ITGB8: variants seen among roughly 807,000 people sequenced by gnomAD.
ITGB8 encodes integrin beta-8.
Under a neutral mutation model 89.5 loss-of-function variants are expected in ITGB8, and 30 were observed. That is an observed-to-expected ratio of 0.34 (90% confidence interval 0.25 to 0.45). ITGB8 has a LOEUF of 0.45. Ranked by LOEUF, ITGB8 falls within the 20% of genes least tolerant of loss-of-function variation. The pLI is 1.00. For missense variants in ITGB8, 836 were observed against 933.3 expected, an observed-to-expected ratio of 0.90 and a Z score of 1.36; for synonymous variants, 335 against 320.4, an observed-to-expected ratio of 1.05 and a Z score of -0.49.
At chr7:20,351,450 CT>C (rs1225525476) in intron 1 of ITGB8, among the ~76,000 whole-genome samples, 1 of 152,176 alleles carries the variant, frequency 6.6e-6, no homozygotes, top group Admixed American at 6.5e-5. Context: ...CTCATGGGAG[CT>C]TTATGAAGCT....
intron 1 of ITGB8, among the ~76,000 whole-genome samples, chr7:20,362,233 G>A (rs1785531154): frequency 1.3e-5 from 2 of 152,214 alleles, no homozygotes; most frequent in Admixed American, 1.3e-4. Flanking sequence ...GGAAAGTTGA[G>A]AGAGAAAGAA....
chr7:20,337,608 T>A (rs17142711), intron 1 of ITGB8, among the ~76,000 whole-genome samples: 23,713 of 152,254 alleles, frequency 0.16, 1,985 homozygotes, highest in East Asian at 0.34. Context: ...AGAGGCATTG[T>A]ATAACTTCTT....
intron 3 of ITGB8, among the ~76,000 whole-genome samples, chr7:20,372,003 C>CTCT (rs1380860246): frequency 6.6e-6 from 1 of 152,102 alleles, no homozygotes; most frequent in Non-Finnish European, 1.5e-5. Context: ...GAACATTTTT[C>CTCT]CTAAGGTATT....
intron 3 of ITGB8, among the ~76,000 whole-genome samples, chr7:20,374,220 G>A (rs1025820704): frequency 3.9e-5 from 6 of 152,078 alleles, no homozygotes; most frequent in African/African-American, 2.4e-5. Flanking sequence ...AATTCTAGAC[G>A]CTGGCTTCTT....
rs546541953 is a variant in ITGB8 at position 20,413,541 on chromosome 7, T to A, written c.*3544T>A. On this transcript the variant is annotated 3_prime_UTR_variant, in exon 14 of 14. Coordinates refer to ENST00000222573, the MANE Select transcript of ITGB8 (RefSeq NM_002214.3). ...TTTCTTCCTTTTCTTACTCCTGTTT[T>A]TTCCACTCACTCTTCCCAAGAGATT... 4 of 152,506 alleles carry A rather than the reference T, an allele frequency of 2.6e-5. No individual in the cohort carries two copies. The highest frequency in any genetic ancestry group is 5.9e-5 in the Non-Finnish European group (4 of 67,940). 9.4% of individuals were successfully genotyped at this position (152,506 alleles called of 1,614,324 possible). A position where few individuals can be genotyped will look rare whatever the true frequency, so the allele number is the denominator to read the frequency against.
At position 20,343,535 on chromosome 7, in the gene ITGB8, C is replaced by T. The variant is rs573424444; in HGVS notation, c.127+11602C>T. On this transcript the variant is annotated intron_variant, in intron 1 of 13. Transcript: ENST00000222573. ...ACAAGCAGGTGCCCTATCCCTAAAA[C>T]CCTGCACAATGCCATGGCTTAATTG... Among the ~76,000 whole-genome samples the T allele has an allele frequency of 2.0e-5, 3 of 152,236 alleles. No individual in the cohort carries two copies. In the South Asian group the frequency reaches 6.2e-4, roughly 32 times the overall value.
intron 1 of ITGB8, among the ~76,000 whole-genome samples, chr7:20,358,503 T>C (rs908756834): frequency 3.3e-5 from 5 of 151,996 alleles, no homozygotes; most frequent in African/African-American, 1.2e-4. Flanking sequence ...CTGAAAATTT[T>C]CACACAGCTA....
chr7:20,398,230 C>T (rs1787168824), intron 8 of ITGB8, among the ~76,000 whole-genome samples: 1 of 152,184 alleles, frequency 6.6e-6, no homozygotes, highest in South Asian at 2.1e-4. Context: ...TTGCAGCAAG[C>T]TTGACTGACA....
intron 10 of ITGB8, among the ~76,000 whole-genome samples, chr7:20,403,966 A>T (rs1316197449): frequency 2.6e-5 from 4 of 152,172 alleles, no homozygotes; most frequent in Admixed American, 1.3e-4. Context: ...TTCACCCCAC[A>T]TGCATAATGT....
Position 20,379,289 on chromosome 7 carries a change from T to C in ITGB8, c.627T>C (p.Asn209=). The change falls in exon 4 of 14, where the codon AAT becomes AAC. Residue 209 remains asparagine, a synonymous_variant. Transcript: ENST00000222573. Reference sequence around the variant, plus strand: ...GCATCCACCCCGAAAGGATTCATAATCAATGCAGGTATCTAGGGTTTGATG... The same window carrying C: ...GCATCCACCCCGAAAGGATTCATAACCAATGCAGGTATCTAGGGTTTGATG... ...YISIHPERIH[N]QCSDYNLDCM... The C allele has an allele frequency of 6.3e-7, 1 of 1,595,206 alleles. No homozygotes were observed.
chr7:20,375,518 T>G (rs1786104408), intron 3 of ITGB8, among the ~76,000 whole-genome samples: 1 of 152,164 alleles, frequency 6.6e-6, no homozygotes, highest in East Asian at 1.9e-4. Flanking sequence ...ACAAAGTACA[T>G]GAACAAAAAA....
At position 20,413,403 on chromosome 7, in the gene ITGB8, G is replaced by T. The variant is rs1458121188; in HGVS notation, c.*3406G>T. 6.6e-6 allele frequency: 1 copy of T among 152,426 alleles called. No homozygotes were observed. Among genetic ancestry groups the T allele is most frequent in the African/African-American group, 2.4e-5 (1 of 41,436 alleles). The allele number at this position is 152,426 out of a possible 1,614,324, so 9.4% of individuals were successfully genotyped here. The stretch of plus-strand genomic sequence containing the variant: ...ATCCACTGAAGATATCTTTATGCAA[G>T]ACAAGAGTCAGCCATCAGACACTGA... On this transcript the variant is annotated 3_prime_UTR_variant, in exon 14 of 14. Coordinates refer to ENST00000222573, the MANE Select transcript of ITGB8 (RefSeq NM_002214.3).
intron 6 of ITGB8, among the ~76,000 whole-genome samples, chr7:20,387,530 G>C (rs940956927): frequency 6.6e-6 from 1 of 152,166 alleles, no homozygotes; most frequent in African/African-American, 2.4e-5. Flanking sequence ...CAGATGATCT[G>C]TTTTCAGAGC....
At chr7:20,374,219 C>A (rs1020835729) in intron 3 of ITGB8, among the ~76,000 whole-genome samples, 1 of 152,094 alleles carries the variant, frequency 6.6e-6, no homozygotes, top group East Asian at 1.9e-4. Context: ...AAATTCTAGA[C>A]GCTGGCTTCT....
chr7:20,335,102 C>T (rs1257101149), intron 1 of ITGB8, among the ~76,000 whole-genome samples: 1 of 152,110 alleles, frequency 6.6e-6, no homozygotes, highest in Non-Finnish European at 1.5e-5. Flanking sequence ...CTTCTCCCAA[C>T]TAAATATTTT....
rs565871385 is a variant in ITGB8, at chr7:20,385,107, G to T, written c.960+3222G>T. Among the ~76,000 whole-genome samples the T allele has an allele frequency of 1.3e-3, 204 of 152,300 alleles. 2 individuals carry two copies. Among genetic ancestry groups the T allele is most frequent in the African/African-American group, 4.6e-3 (191 of 41,548 alleles). On this transcript the variant is annotated intron_variant, in intron 6 of 13. Coordinates refer to ENST00000222573, the MANE Select transcript of ITGB8 (RefSeq NM_002214.3). ...TGTCTCCCCACCCAGCTTCTCCAGG[G>T]TTATTTCTACCCTTAGTCAGAGCCC...
chr7:20,394,109 G>A (rs10240007), intron 7 of ITGB8, among the ~76,000 whole-genome samples: 4,267 of 152,292 alleles, frequency 0.028, 188 homozygotes, highest in African/African-American at 0.09. Context: ...GACTTGAGAT[G>A]CCAAGTTGTT....
At chr7:20,359,471 C>G (rs1270474303) in intron 1 of ITGB8, among the ~76,000 whole-genome samples, 1 of 152,206 alleles carries the variant, frequency 6.6e-6, no homozygotes, top group Non-Finnish European at 1.5e-5. Flanking sequence ...GTGCTGAGGG[C>G]TGCTAGGGAA....
chr7:20,405,916 G>A (rs1562705169), intron 11 of ITGB8, 146 bp from the exon 12 acceptor site: 2 of 562,838 alleles, frequency 3.6e-6, no homozygotes, highest in Non-Finnish European at 3.2e-6. Flanking sequence ...ATCCTTCGAT[G>A]TAATGATGGA....
Sources: gnomAD v4.1 joint callset for allele counts (sites outside exome capture counted in the v4.1 genomes callset) on GRCh38, gnomAD v4.1.1 for gene constraint, MANE v1.5 for transcripts, NCBI Gene and HGNC (gene_info 2026-07-23, HGNC 2026-07-21) for gene names.